RFX3: variants seen among roughly 807,000 people sequenced by gnomAD.
RFX3 encodes the protein regulatory factor X3, also known as transcription factor RFX3.
Under a neutral mutation model 98.6 loss-of-function variants are expected in RFX3, and 14 were observed. That is an observed-to-expected ratio of 0.14 (90% CI 0.09 to 0.22). RFX3 has a LOEUF of 0.22. Among genes scored for constraint, RFX3 ranks in the 10% least tolerant of loss-of-function variants. The probability of loss-of-function intolerance (pLI) is 1.00; values close to 1 mark genes in which losing one functional copy is unlikely to be tolerated. For missense variants in RFX3, 639 were observed against 926.9 expected (o/e 0.69, Z 4.03); for synonymous variants, 383 against 328.4 (o/e 1.17, Z -1.80).
intron 15 of RFX3, among the ~76,000 whole-genome samples, chr9:3,238,834 A>G (rs1244951153): frequency 1.3e-5 from 2 of 151,968 alleles, no homozygotes; most frequent in Non-Finnish European, 2.9e-5. Context: ...CTAAAAATAC[A>G]AATACAAAAT....
intron 4 of RFX3, among the ~76,000 whole-genome samples, chr9:3,307,520 G>C: frequency 6.6e-6 from 1 of 152,058 alleles, no homozygotes; most frequent in East Asian, 1.9e-4. Context: ...AGAATGAAAG[G>C]GATGAATACA....
At chr9:3,432,184 C>T (rs7036782) in intron 1 of RFX3, among the ~76,000 whole-genome samples, 284 of 152,156 alleles carry the variant, frequency 1.9e-3, no homozygotes, top group African/African-American at 6.4e-3. Flanking sequence ...AAATAAACGG[C>T]CTGTGTTTCA....
At chr9:3,505,204 A>ATATGAATATATATT (rs1816825892) in intron 1 of RFX3, among the ~76,000 whole-genome samples, 1 of 53,438 alleles carries the variant, frequency 1.9e-5, no homozygotes, top group African/African-American at 1.7e-4. Context: ...ATATATTTAT[A>ATATGAATATATATT]TATATATGAA....
intron 1 of RFX3, among the ~76,000 whole-genome samples, chr9:3,417,904 CA>C (rs548729392): frequency 2.8e-4 from 42 of 152,258 alleles, no homozygotes; most frequent in Middle Eastern, 3.4e-3. Context: ...TTTAAATGAG[CA>C]GTCTTGGCCA....
At chr9:3,323,598 G>A (rs966388967) in intron 4 of RFX3, among the ~76,000 whole-genome samples, 7 of 152,046 alleles carry the variant, frequency 4.6e-5, no homozygotes, top group Admixed American at 2.0e-4. Context: ...GAATTTATGA[G>A]CATCATTAAA....
At chr9:3,257,293 A>G (rs1388601796) in intron 13 of RFX3, 94 bp from the exon 14 acceptor site, 7 of 987,820 alleles carry the variant, frequency 7.1e-6, no homozygotes, top group Admixed American at 2.4e-5. Context: ...ACAGAAAATT[A>G]TAATAAAAGC....
intron 15 of RFX3, among the ~76,000 whole-genome samples, chr9:3,240,662 T>C (rs1026889732): frequency 6.6e-6 from 1 of 152,192 alleles, no homozygotes; most frequent in African/African-American, 2.4e-5. Flanking sequence ...GTATATTTTA[T>C]ACAAGGATGG....
At chr9:3,457,139 CAAAAAAAAAAA>C (rs1169959832) in intron 1 of RFX3, among the ~76,000 whole-genome samples, 5,540 of 22,582 alleles carry the variant, frequency 0.25, 103 homozygotes, top group East Asian at 0.36. Context: ...GACTCCATCT[CAAAAAAAAAAA>C]AAAAAAAAAA....
intron 4 of RFX3, among the ~76,000 whole-genome samples, chr9:3,319,926 G>T (rs1293264307): frequency 6.7e-6 from 1 of 150,240 alleles, no homozygotes; most frequent in Non-Finnish European, 1.5e-5. Flanking sequence ...CCAAAATGTT[G>T]AACAGTAAGA....
intron 2 of RFX3, among the ~76,000 whole-genome samples, chr9:3,352,064 T>A (rs541520700): frequency 1.3e-5 from 2 of 152,106 alleles, no homozygotes; most frequent in South Asian, 4.1e-4. Context: ...AACCATTCCA[T>A]AGAATACATG....
At chr9:3,394,384 AC>A (rs2131910756) in intron 2 of RFX3, among the ~76,000 whole-genome samples, 1 of 152,230 alleles carries the variant, frequency 6.6e-6, no homozygotes, top group East Asian at 1.9e-4. Flanking sequence ...AATGGTGTGA[AC>A]CCGGGAGGCA....
Position 3,287,991 on chromosome 9 carries a change from T to C in RFX3, c.851+140A>G, listed in dbSNP as rs915638373. The C allele has an allele frequency of 2.3e-5, 19 of 828,424 alleles. No individual in the cohort carries two copies. In the Admixed American group the frequency reaches 2.8e-4, roughly 12 times the overall value. The allele number at this position is 828,424 out of a possible 1,614,324, so 51.3% of individuals were successfully genotyped here. The stretch of plus-strand genomic sequence containing the variant: ...GCGAGATCACTGAAATTCTAAATCA[T>C]ATTTAAGAACTATCTGTAGTGAAAG... On this transcript the variant is annotated intron_variant, in intron 7 of 16. Transcript: ENST00000617270.
chr9:3,234,460 A>C (rs1818867690), intron 15 of RFX3, among the ~76,000 whole-genome samples: 1 of 152,146 alleles, frequency 6.6e-6, no homozygotes, highest in Non-Finnish European at 1.5e-5. Flanking sequence ...GCAACATGGC[A>C]AAACCCCATC....
chr9:3,463,220 C>T (rs1017893406), intron 1 of RFX3, among the ~76,000 whole-genome samples: 1 of 152,050 alleles, frequency 6.6e-6, no homozygotes, highest in Non-Finnish European at 1.5e-5. Context: ...TAAACCCACA[C>T]ATATATATGG....
intron 2 of RFX3, among the ~76,000 whole-genome samples, chr9:3,390,482 A>G (rs187546055): frequency 6.6e-6 from 1 of 152,234 alleles, no homozygotes; most frequent in East Asian, 1.9e-4. Context: ...GTGGTCTCAG[A>G]TGGAGATGAG....
chr9:3,439,899 G>C (rs1326324581), intron 1 of RFX3, among the ~76,000 whole-genome samples: 2 of 151,926 alleles, frequency 1.3e-5, no homozygotes, highest in African/African-American at 4.8e-5. Context: ...ATTCATAAAG[G>C]ATAATACATC....
intron 1 of RFX3, among the ~76,000 whole-genome samples, chr9:3,491,452 T>C (rs1268143450): frequency 6.6e-6 from 1 of 152,182 alleles, no homozygotes; most frequent in African/African-American, 2.4e-5. Flanking sequence ...CAATACTTCT[T>C]AACAATTTTG....
At chr9:3,348,665 C>A (rs977709977) in intron 2 of RFX3, among the ~76,000 whole-genome samples, 1 of 151,810 alleles carries the variant, frequency 6.6e-6, no homozygotes, top group Non-Finnish European at 1.5e-5. Context: ...TGACTTTATC[C>A]CCCAGTACCC....
intron 4 of RFX3, among the ~76,000 whole-genome samples, chr9:3,312,544 C>T (rs899809202): frequency 5.3e-5 from 8 of 150,754 alleles, no homozygotes; most frequent in South Asian, 2.1e-4. Context: ...CTGAGAGATT[C>T]GGGATAAACT....
Sources: allele counts gnomAD v4.1 joint callset (sites outside exome capture counted in the v4.1 genomes callset), GRCh38; gene constraint gnomAD v4.1.1; transcripts MANE v1.5; gene names NCBI Gene and HGNC (gene_info 2026-07-23, HGNC 2026-07-21).